SFT2D2: variants seen among roughly 807,000 people sequenced by gnomAD.
SFT2D2 encodes SFT2 domain containing 2, also known as vesicle transport protein SFT2B.
Under a neutral mutation model 27.4 loss-of-function variants are expected in SFT2D2, and 21 were observed. That is an observed-to-expected ratio of 0.77 (90% CI 0.54 to 1.10). The LOEUF is 1.10. Among genes scored for constraint, SFT2D2 ranks in the 50% least tolerant of loss-of-function variants. The pLI is 0.00. For missense variants in SFT2D2, 187 were observed against 194.2 expected, an observed-to-expected ratio of 0.96 and a Z score of 0.22; for synonymous variants, 72 against 71.7, an observed-to-expected ratio of 1.00 and a Z score of -0.02.
intron 3 of SFT2D2, among the ~76,000 whole-genome samples, chr1:168,234,267 G>T (rs1246193944): frequency 6.6e-6 from 1 of 152,010 alleles, no homozygotes; most frequent in African/African-American, 2.4e-5. Flanking sequence ...GGTGGCGTGT[G>T]CCTGTAGTCC....
chr1:168,228,314 A>G (rs1700481935), intron 1 of SFT2D2, among the ~76,000 whole-genome samples: 1 of 152,138 alleles, frequency 6.6e-6, no homozygotes, highest in South Asian at 2.1e-4. Flanking sequence ...GGAAATTGCT[A>G]TTTTGTGTGG....
At chr1:168,226,456 G>A (rs1043579782) in intron 1 of SFT2D2, among the ~76,000 whole-genome samples, 6 of 152,202 alleles carry the variant, frequency 3.9e-5, no homozygotes, top group Non-Finnish European at 4.4e-5. Flanking sequence ...CACCGGCCGG[G>A]GAATGCGCTT....
intron 6 of SFT2D2, among the ~76,000 whole-genome samples, chr1:168,237,806 A>G (rs1647540832): frequency 6.6e-6 from 1 of 151,852 alleles, no homozygotes; most frequent in African/African-American, 2.4e-5. Flanking sequence ...CATGTTAAGT[A>G]TAAGATATGG....
chr1:168,238,997 A>G, intron 6 of SFT2D2, 134 bp from the exon 7 acceptor site: 2 of 716,378 alleles, frequency 2.8e-6, no homozygotes, highest in East Asian at 5.0e-5. Context: ...GCACATGCTC[A>G]TCCCCCAGGC....
chr1:168,239,830 C>CT (rs71557622), intron 7 of SFT2D2, among the ~76,000 whole-genome samples: 3,125 of 139,560 alleles, frequency 0.022, 57 homozygotes, highest in Admixed American at 0.057. Flanking sequence ...AACTTCTGTT[C>CT]TTTTTTTTTT....
rs577698132 is a variant in SFT2D2, at chr1:168,242,972, C to T, written c.*432C>T. 7.0e-5 allele frequency: 17 copies of T among 242,506 alleles called. No individual in the cohort carries two copies. Among genetic ancestry groups the T allele is most frequent in the South Asian group, 6.2e-4 (10 of 16,174 alleles). 15.0% of individuals were successfully genotyped at this position (242,506 alleles called of 1,614,324 possible). ...TGTCCCTCAGCATGGAAGCCATCAC[C>T]GTGGTCCTGCATAGAGTGAGTCTGC... On this transcript the variant is annotated 3_prime_UTR_variant, in exon 8 of 8. Transcript: ENST00000271375.
intron 6 of SFT2D2, among the ~76,000 whole-genome samples, chr1:168,238,396 C>CT (rs1344812331): frequency 6.6e-6 from 1 of 151,998 alleles, no homozygotes; most frequent in Non-Finnish European, 1.5e-5. Context: ...GTGGCTCACA[C>CT]TGTAATGCCA....
chr1:168,239,089 C>G (rs1291709258), intron 6 of SFT2D2, 42 bp from the exon 7 acceptor site: 11 of 1,478,136 alleles, frequency 7.4e-6, no homozygotes, highest in South Asian at 2.3e-5. Context: ...ATCTGCTACT[C>G]CCTTCATCTC....
chr1:168,250,101 T>C lies in SFT2D2; in HGVS notation c.*7561T>C, dbSNP rs1647917244. On this transcript the variant is annotated 3_prime_UTR_variant, in exon 8 of 8. Coordinates refer to ENST00000271375, the MANE Select transcript of SFT2D2 (RefSeq NM_199344.3). ...AGGGGTTCTTGGCAGGAGATGGGTC[T>C]TGTAGAAAGGCTTCTGCTTTGCTTT... 6.6e-6 allele frequency: 1 copy of C among 152,208 alleles called. No homozygotes were observed. The allele number at this position is 152,208 out of a possible 1,614,324, so 9.4% of individuals were successfully genotyped here. A position where few individuals can be genotyped will look rare whatever the true frequency, so the allele number is the denominator to read the frequency against.
At chr1:168,234,693 A>G (rs1647437734) in intron 3 of SFT2D2, among the ~76,000 whole-genome samples, 2 of 152,188 alleles carry the variant, frequency 1.3e-5, no homozygotes, top group South Asian at 4.1e-4. Flanking sequence ...CTAAGCCTGT[A>G]AGGTATGGTT....
chr1:168,226,661 C>T (rs1700462355), intron 1 of SFT2D2, among the ~76,000 whole-genome samples: 1 of 152,134 alleles, frequency 6.6e-6, no homozygotes, highest in Non-Finnish European at 1.5e-5. Context: ...CCACCCGCCC[C>T]TGTACACATT....
At chr1:168,239,471 T>C (rs1647589522) in intron 7 of SFT2D2, among the ~76,000 whole-genome samples, 1 of 151,822 alleles carries the variant, frequency 6.6e-6, no homozygotes, top group Non-Finnish European at 1.5e-5. Context: ...TTTTTTTTTT[T>C]TTTTTTATAA....
chr1:168,236,082 G>A (rs1647491078), intron 4 of SFT2D2, among the ~76,000 whole-genome samples: 1 of 152,186 alleles, frequency 6.6e-6, no homozygotes, highest in South Asian at 2.1e-4. Flanking sequence ...AGATGCCCAC[G>A]GCCTGGACAA....
Position 168,231,952 on chromosome 1 carries a change from A to G in SFT2D2, c.236+33A>G, listed in dbSNP as rs115406032. ...TTTTTTAAAAATCCAATTTTAGCCAATCATTAGATGGGAAAATGGATGTTG... is the reference window on the plus strand; with the variant it reads ...TTTTTTAAAAATCCAATTTTAGCCAGTCATTAGATGGGAAAATGGATGTTG... On this transcript the variant is annotated intron_variant, in intron 3 of 7. Transcript: ENST00000271375. 265 of 1,579,620 alleles carry G rather than the reference A, an allele frequency of 1.7e-4. 1 individual carries two copies. The African/African-American group carries it at 2.8e-3, about 17-fold the overall frequency.
chr1:168,228,658 A>G (rs1196119284), intron 1 of SFT2D2, among the ~76,000 whole-genome samples: 4 of 152,166 alleles, frequency 2.6e-5, no homozygotes, highest in Non-Finnish European at 5.9e-5. Flanking sequence ...ATGAAGCAGT[A>G]TTTCTTTCTT....
At chr1:168,234,777 A>G (rs1647439936) in intron 3 of SFT2D2, among the ~76,000 whole-genome samples, 1 of 152,144 alleles carries the variant, frequency 6.6e-6, no homozygotes, top group African/African-American at 2.4e-5. Flanking sequence ...ACACCTCTCA[A>G]GGAGAAGGCT....
intron 3 of SFT2D2, among the ~76,000 whole-genome samples, chr1:168,234,748 T>C (rs1187442687): frequency 6.6e-6 from 1 of 152,182 alleles, no homozygotes; most frequent in South Asian, 2.1e-4. Context: ...TGAGTAGTTA[T>C]TGTCAGGGAG....
chr1:168,246,666 A>T lies in SFT2D2; in HGVS notation c.*4126A>T, dbSNP rs746013681. The T allele has an allele frequency of 7.9e-7, 1 of 1,270,234 alleles. No homozygotes were observed. Among genetic ancestry groups the T allele is most frequent in the Non-Finnish European group, 1.1e-6 (1 of 887,594 alleles). The allele number at this position is 1,270,234 out of a possible 1,614,324, so 78.7% of individuals were successfully genotyped here. ...CTCTTTCTGTTGAGTGACTTTGATC[A>T]TGATCATGTAGAGCAACATTCAGTC... On this transcript the variant is annotated 3_prime_UTR_variant, in exon 8 of 8. Coordinates refer to ENST00000271375, the MANE Select transcript of SFT2D2 (RefSeq NM_199344.3).
At chr1:168,236,349 G>C (rs1392950194) in intron 4 of SFT2D2, among the ~76,000 whole-genome samples, 1 of 152,176 alleles carries the variant, frequency 6.6e-6, no homozygotes, top group Non-Finnish European at 1.5e-5. Flanking sequence ...TTGTTTGCTG[G>C]GCAGAGGTTC....
Sources: gnomAD v4.1 joint callset for allele counts (sites outside exome capture counted in the v4.1 genomes callset) on GRCh38, gnomAD v4.1.1 for gene constraint, MANE v1.5 for transcripts, NCBI Gene and HGNC (gene_info 2026-07-23, HGNC 2026-07-21) for gene names.